KIF2C: variants seen among roughly 807,000 people sequenced by gnomAD.
KIF2C encodes the protein kinesin-like protein KIF2C.
KIF2C carries 34 observed loss-of-function variants against 97.4 expected under a neutral mutation model. The ratio of observed to expected loss-of-function variants is 0.35; its 90% CI spans 0.27 to 0.46. The LOEUF is 0.46. Ranked by LOEUF, KIF2C falls within the 20% of genes least tolerant of loss-of-function variation. KIF2C has a pLI of 1.00. For synonymous variants in KIF2C, 313 were observed against 318.2 expected (o/e 0.98, Z 0.17); for missense variants, 750 against 907.6 (o/e 0.83, Z 2.23).
intron 11 of KIF2C, 94 bp from the exon 12 acceptor site, chr1:44,757,814 G>T (rs894663038): frequency 5.9e-6 from 8 of 1,346,494 alleles, no homozygotes; most frequent in Non-Finnish European, 7.4e-6. Context: ...CAGCCTTCTG[G>T]CTTTGTTGTG....
chr1:44,754,222 C>G (rs1158918493), intron 7 of KIF2C, among the ~76,000 whole-genome samples: 3 of 152,038 alleles, frequency 2.0e-5, no homozygotes, highest in African/African-American at 7.2e-5. Flanking sequence ...CGCCTGGCCT[C>G]TGACGCTCCA....
At position 44,760,197 on chromosome 1, in the gene KIF2C, C is replaced by T; in HGVS notation, c.1368-83C>T. 7.8e-7 allele frequency: 1 copy of T among 1,289,784 alleles called. No homozygotes were observed. The highest frequency in any genetic ancestry group is 1.1e-6 in the Non-Finnish European group (1 of 900,482). 79.9% of individuals were successfully genotyped at this position (1,289,784 alleles called of 1,614,324 possible). On this transcript the variant is annotated intron_variant, in intron 14 of 20. Coordinates refer to ENST00000372224, the MANE Select transcript of KIF2C (RefSeq NM_006845.4). The surrounding 1 kb of genome is among the most constrained non-coding windows in gnomAD (Gnocchi z 4.2). Reference sequence around the variant, plus strand: ...ACTTTTTCGCCTCCTAACCTGTGTCCCTCCCTTCCTAGAGAACTTCTGTGG... The same window carrying T: ...ACTTTTTCGCCTCCTAACCTGTGTCTCTCCCTTCCTAGAGAACTTCTGTGG...
At chr1:44,742,539 G>A (rs1403319782) in intron 2 of KIF2C, among the ~76,000 whole-genome samples, 2 of 151,582 alleles carry the variant, frequency 1.3e-5, no homozygotes, top group Admixed American at 6.6e-5. Context: ...CCAACATAGC[G>A]AAACCCCCAT....
intron 18 of KIF2C, 25 bp from the exon 19 acceptor site, chr1:44,762,520 T>C (rs758295554): frequency 6.2e-7 from 1 of 1,610,984 alleles, no homozygotes; most frequent in Non-Finnish European, 8.5e-7. Context: ...GGTCACATAA[T>C]TGTCTTTCTT....
chr1:44,752,892 G>A (rs1031490811), intron 5 of KIF2C, among the ~76,000 whole-genome samples: 2 of 152,304 alleles, frequency 1.3e-5, no homozygotes, highest in Admixed American at 6.5e-5. Context: ...TTCCCTTCAT[G>A]TCAAAGCCCA....
intron 7 of KIF2C, among the ~76,000 whole-genome samples, chr1:44,754,468 C>G (rs769544052): frequency 1.3e-5 from 2 of 152,020 alleles, no homozygotes; most frequent in African/African-American, 2.4e-5. Flanking sequence ...AGTACAGTCC[C>G]CTTATTTGGG....
intron 19 of KIF2C, among the ~76,000 whole-genome samples, chr1:44,764,296 C>T (rs190347516): frequency 3.4e-5 from 5 of 148,454 alleles, no homozygotes; most frequent in African/African-American, 7.3e-5. Context: ...CTTCCTCAGC[C>T]TCCTGCGTAC....
chr1:44,759,001 A>C (rs1205254270), intron 13 of KIF2C: 1 of 594,710 alleles, frequency 1.7e-6, no homozygotes, highest in African/African-American at 1.9e-5. Context: ...ACAGCTAGTA[A>C]GTTACCAGAG....
chr1:44,740,507 T>C (rs912669913), intron 1 of KIF2C, among the ~76,000 whole-genome samples: 2 of 152,136 alleles, frequency 1.3e-5, no homozygotes, highest in Non-Finnish European at 2.9e-5. Context: ...TGGACAGATA[T>C]GACCGCCAGA....
chr1:44,743,609 G>A (rs554911009), intron 2 of KIF2C, among the ~76,000 whole-genome samples: 102 of 152,212 alleles, frequency 6.7e-4, no homozygotes, highest in Non-Finnish European at 1.4e-3. Context: ...GGCAAATACA[G>A]CAAGACCTCA....
rs1229923173 is a variant in KIF2C at position 44,756,210 on chromosome 1, A to C, written c.950A>C (p.Glu317Ala). The C allele has an allele frequency of 6.2e-7, 1 of 1,614,224 alleles. No individual in the cohort carries two copies. Among genetic ancestry groups the C allele is most frequent in the South Asian group, 1.1e-5 (1 of 91,084 alleles). ...TTCTGCTTTGACTTTGCATTTGATG[A>C]AACAGCTTCGAATGAAGTTGTCTAC... ...QAFCFDFAFD[E>A]TASNEVVYRF... Residue 317 changes from glutamate (E) to alanine (A), a missense_variant, in exon 10 of 21, where the codon GAA (glutamate) becomes GCA (alanine). Coordinates refer to ENST00000372224, the MANE Select transcript of KIF2C (RefSeq NM_006845.4).
chr1:44,743,736 G>T (rs1649045934), intron 2 of KIF2C, among the ~76,000 whole-genome samples: 1 of 152,156 alleles, frequency 6.6e-6, no homozygotes, highest in Admixed American at 6.5e-5. Context: ...GGGCTACAGT[G>T]AGCCACTACA....
At position 44,750,550 on chromosome 1, in the gene KIF2C, A is replaced by G. The variant is rs1649455886; in HGVS notation, c.425A>G (p.Gln142Arg). 6.4e-7 allele frequency: 1 copy of G among 1,570,758 alleles called. No individual in the cohort carries two copies. The highest frequency in any genetic ancestry group is 8.7e-7 in the Non-Finnish European group (1 of 1,155,090). Residue 142 changes from glutamine (Q) to arginine (R), a missense_variant, in exon 5 of 21, where the codon CAG becomes CGG. Coordinates refer to ENST00000372224, the MANE Select transcript of KIF2C (RefSeq NM_006845.4). Reference protein sequence around the residue: ...ELPAAANSRKQFSVPPAPTRP... With the variant: ...ELPAAANSRKRFSVPPAPTRP... ...CCTGCAGCTGCAAACTCCCGCAAGC[A>G]GTTTTCAGTTCCTCGTGAGTAACGA...
chr1:44,767,060 T>C, intron 20 of KIF2C, 37 bp from the exon 21 acceptor site: 1 of 1,609,944 alleles, frequency 6.2e-7, no homozygotes, highest in Non-Finnish European at 8.5e-7. Context: ...CCTCAGACTC[T>C]CACTAACCCC....
At chr1:44,752,980 T>C (rs1649605999) in intron 5 of KIF2C, 152 bp from the exon 6 acceptor site, 2 of 890,036 alleles carry the variant, frequency 2.2e-6, no homozygotes, top group Non-Finnish European at 3.4e-6. Flanking sequence ...GAGTGTGGGC[T>C]GAGGTGAAGG....
At chr1:44,747,614 A>G (rs1649280474) in intron 3 of KIF2C, 38 bp from the exon 4 acceptor site, 9 of 1,608,512 alleles carry the variant, frequency 5.6e-6, no homozygotes, top group Non-Finnish European at 7.7e-6. Context: ...GAGAATTGAT[A>G]AGAGCCATAT....
In KIF2C at chr1:44,767,232, T is replaced by C. The variant is rs1270590410; in HGVS notation, c.*53T>C. 1 of 1,530,934 alleles carries C rather than the reference T, an allele frequency of 6.5e-7. No individual in the cohort carries two copies. Among genetic ancestry groups the C allele is most frequent in the Non-Finnish European group, 9.0e-7 (1 of 1,107,020 alleles). The allele number at this position is 1,530,934 out of a possible 1,614,324, so 94.8% of individuals were successfully genotyped here. The stretch of plus-strand genomic sequence containing the variant: ...TGACACCCAGCCTCTTCCCTGGCCC[T>C]CCCCAGAGAACTTTGGGTACCTGGT... On this transcript the variant is annotated 3_prime_UTR_variant, in exon 21 of 21. Coordinates refer to ENST00000372224, the MANE Select transcript of KIF2C (RefSeq NM_006845.4).
chr1:44,740,676 G>A (rs1004658681), intron 1 of KIF2C, among the ~76,000 whole-genome samples: 1 of 151,914 alleles, frequency 6.6e-6, no homozygotes, highest in African/African-American at 2.4e-5. Context: ...TTGAGTAGGG[G>A]TGAATCCTTA....
At chr1:44,746,173 C>T (rs907747628) in intron 2 of KIF2C, among the ~76,000 whole-genome samples, 2 of 152,230 alleles carry the variant, frequency 1.3e-5, no homozygotes, top group Non-Finnish European at 2.9e-5. Flanking sequence ...CCACCGCACC[C>T]AGTCCTGCAG....
Sources: allele counts gnomAD v4.1 joint callset (sites outside exome capture counted in the v4.1 genomes callset), GRCh38; gene constraint gnomAD v4.1.1; non-coding constraint Gnocchi (gnomAD v3.1); transcripts MANE v1.5; gene names NCBI Gene and HGNC (gene_info 2026-07-23, HGNC 2026-07-21).